PACRG: variants seen among roughly 807,000 people sequenced by gnomAD.
The protein encoded by PACRG is parkin coregulated gene protein.
PACRG carries 29 observed loss-of-function variants against 29.7 expected under a neutral mutation model. That is an observed-to-expected ratio of 0.98 (90% CI 0.73 to 1.33). The LOEUF is 1.33. Among genes scored for constraint, PACRG ranks in the 40% most tolerant of loss-of-function variants. The probability of loss-of-function intolerance (pLI) is 0.00; values close to 1 mark genes in which losing one functional copy is unlikely to be tolerated. For missense variants in PACRG, 279 were observed against 316.2 expected, an observed-to-expected ratio of 0.88 and a Z score of 0.89; for synonymous variants, 116 against 118.7, an observed-to-expected ratio of 0.98 and a Z score of 0.15.
chr6:163,292,006 C>G (rs1784625761), intron 4 of PACRG, among the ~76,000 whole-genome samples: 3 of 152,160 alleles, frequency 2.0e-5, no homozygotes, highest in Non-Finnish European at 4.4e-5. Flanking sequence ...TGAAGGTTTT[C>G]CCCAGTGGAG....
rs560057863 is a variant in PACRG, at chr6:162,747,121, G to T, written c.156+18730G>T. Among the ~76,000 whole-genome samples the T allele has an allele frequency of 2.0e-5, 3 of 151,564 alleles. No homozygotes were observed. In the East Asian group the frequency reaches 5.9e-4, roughly 30 times the overall value. ...TAACATTTGAATCAGTGGGCTGGGAGAGGCAGACCCATCCTTAACCTGAGT... is the reference window on the plus strand; with the variant it reads ...TAACATTTGAATCAGTGGGCTGGGATAGGCAGACCCATCCTTAACCTGAGT... On this transcript the variant is annotated intron_variant, in intron 1 of 4. Coordinates refer to ENST00000366888, the MANE Select transcript of PACRG (RefSeq NM_001080379.2).
chr6:162,808,343 C>T (rs1000201876), intron 1 of PACRG, among the ~76,000 whole-genome samples: 6 of 152,198 alleles, frequency 3.9e-5, no homozygotes, highest in African/African-American at 1.4e-4. Flanking sequence ...AATATCTTTG[C>T]ATCCTATTGT....
chr6:163,297,720 G>A (rs1244333905), intron 4 of PACRG, among the ~76,000 whole-genome samples: 1 of 152,128 alleles, frequency 6.6e-6, no homozygotes, highest in Non-Finnish European at 1.5e-5. Context: ...GCCTCATTGA[G>A]ACTTAATCCA....
At chr6:162,846,104 CTG>C (rs1562657075) in intron 2 of PACRG, among the ~76,000 whole-genome samples, 6 of 152,158 alleles carry the variant, frequency 3.9e-5, no homozygotes, top group Admixed American at 3.9e-4. Context: ...GACGGAAACA[CTG>C]TGGCCTGCAC....
chr6:162,884,256 T>C (rs997794427), intron 2 of PACRG, among the ~76,000 whole-genome samples: 3 of 152,222 alleles, frequency 2.0e-5, no homozygotes, highest in Middle Eastern at 3.4e-3. Flanking sequence ...GTTATTTTTT[T>C]CCCCAATATT....
At chr6:162,959,637 G>T (rs1800443406) in intron 2 of PACRG, among the ~76,000 whole-genome samples, 1 of 152,132 alleles carries the variant, frequency 6.6e-6, no homozygotes, top group Non-Finnish European at 1.5e-5. Context: ...TTACATTTTT[G>T]AAGGATCCCT....
At chr6:162,845,046 G>A (rs747007278) in intron 2 of PACRG, among the ~76,000 whole-genome samples, 6 of 151,976 alleles carry the variant, frequency 3.9e-5, no homozygotes, top group Non-Finnish European at 8.8e-5. Context: ...AGGTTCTAGA[G>A]GAAATGATGT....
intron 4 of PACRG, among the ~76,000 whole-genome samples, chr6:163,097,502 C>T (rs1178441519): frequency 6.6e-6 from 1 of 152,214 alleles, no homozygotes; most frequent in African/African-American, 2.4e-5. Context: ...GAGGCTTATT[C>T]TGAGCCAAAT....
intron 4 of PACRG, among the ~76,000 whole-genome samples, chr6:163,196,042 C>T (rs1163280850): frequency 6.6e-6 from 1 of 152,224 alleles, no homozygotes; most frequent in Non-Finnish European, 1.5e-5. Flanking sequence ...CCCGTCCCTC[C>T]AGTCGCTGGC....
intron 2 of PACRG, among the ~76,000 whole-genome samples, chr6:162,941,627 C>T (rs1481974677): frequency 2.6e-4 from 40 of 152,082 alleles, no homozygotes; most frequent in Admixed American, 2.6e-3. Flanking sequence ...CTTTAAGCCT[C>T]GCTGATTATT....
chr6:163,094,804 G>A (rs1385396902), intron 4 of PACRG, among the ~76,000 whole-genome samples: 1 of 152,266 alleles, frequency 6.6e-6, no homozygotes, highest in Non-Finnish European at 1.5e-5. Flanking sequence ...GTTTTGAAAG[G>A]AAATTTACAC....
chr6:163,062,599 C>G (rs746846558), intron 3 of PACRG, among the ~76,000 whole-genome samples: 1 of 152,146 alleles, frequency 6.6e-6, no homozygotes, highest in Non-Finnish European at 1.5e-5. Context: ...CATTAACTTA[C>G]GCATCCAGAG....
At chr6:162,872,413 G>A (rs747150219) in intron 2 of PACRG, among the ~76,000 whole-genome samples, 1 of 152,048 alleles carries the variant, frequency 6.6e-6, no homozygotes, top group Admixed American at 6.6e-5. Flanking sequence ...ATAAACTTAC[G>A]CCAACAAAAA....
chr6:163,184,321 T>C (rs1406999430), intron 4 of PACRG, among the ~76,000 whole-genome samples: 2 of 152,218 alleles, frequency 1.3e-5, no homozygotes, highest in Non-Finnish European at 2.9e-5. Flanking sequence ...GTAAATCCTG[T>C]ACATAAATTG....
chr6:162,940,951 G>C lies in PACRG; in HGVS notation c.292-121199G>C, dbSNP rs568942502. ...TTTAAATGAAATTACGTGGAAAAAT[G>C]TACCAATCCTTAATGAATGTAATCA... On this transcript the variant is annotated intron_variant, in intron 2 of 4. Transcript: ENST00000366888. Among the ~76,000 whole-genome samples, 3 of 152,138 alleles carry C rather than the reference G, an allele frequency of 2.0e-5. No individual in the cohort carries two copies. In the East Asian group the frequency reaches 5.8e-4, roughly 29 times the overall value.
rs1810437752 is a variant in PACRG at position 163,055,079 on chromosome 6, A to G, written c.292-7071A>G. On this transcript the variant is annotated intron_variant, in intron 2 of 4. Transcript: ENST00000366888. The surrounding 1 kb of genome is among the most constrained non-coding windows in gnomAD (Gnocchi z 4.0). The stretch of plus-strand genomic sequence containing the variant: ...TGGTGACCTTGATAAAAGCAACTTC[A>G]GTGAAATGGTGAGGGAGTGGGTTAA... 6.6e-6 allele frequency among the ~76,000 whole-genome samples: 1 copy of G among 152,194 alleles called. No individual in the cohort carries two copies. Among genetic ancestry groups the G allele is most frequent in the Non-Finnish European group, 1.5e-5 (1 of 68,042 alleles).
intron 2 of PACRG, among the ~76,000 whole-genome samples, chr6:162,965,684 G>T (rs1331456165): frequency 6.6e-6 from 1 of 152,196 alleles, no homozygotes; most frequent in Non-Finnish European, 1.5e-5. Flanking sequence ...TAAGAAATTG[G>T]TGAGGGGAAG....
intron 4 of PACRG, among the ~76,000 whole-genome samples, chr6:163,215,537 A>C (rs1781329156): frequency 6.6e-6 from 1 of 152,196 alleles, no homozygotes; most frequent in Non-Finnish European, 1.5e-5. Context: ...TGATAATTTT[A>C]TTTCTAGTTC....
At chr6:163,068,292 G>T (rs1452768467) in intron 3 of PACRG, among the ~76,000 whole-genome samples, 1 of 152,068 alleles carries the variant, frequency 6.6e-6, no homozygotes, top group Admixed American at 6.5e-5. Flanking sequence ...AGTTTGCTTT[G>T]TTGAAAACCC....
Sources: gnomAD v4.1 joint callset for allele counts (sites outside exome capture counted in the v4.1 genomes callset) on GRCh38, gnomAD v4.1.1 for gene constraint, Gnocchi (gnomAD v3.1) non-coding constraint, MANE v1.5 for transcripts, NCBI Gene and HGNC (gene_info 2026-07-23, HGNC 2026-07-21) for gene names.